CLSTN2: variants seen among roughly 807,000 people sequenced by gnomAD.
CLSTN2 encodes calsyntenin 2.
CLSTN2 carries 48 observed loss-of-function variants against 101.2 expected under a neutral mutation model. The ratio of observed to expected loss-of-function variants is 0.47; its 90% CI spans 0.38 to 0.60. The LOEUF (loss-of-function observed/expected upper bound fraction) is 0.60, where lower values mean the gene tolerates loss of function less well. Ranked by LOEUF, CLSTN2 falls within the 20% of genes least tolerant of loss-of-function variation. The probability of loss-of-function intolerance (pLI) is 0.00; values close to 1 mark genes in which losing one functional copy is unlikely to be tolerated. For missense variants in CLSTN2, 1,160 were observed against 1,238.2 expected (o/e 0.94, Z 0.95); for synonymous variants, 481 against 463.6 (o/e 1.04, Z -0.48).
intron 8 of CLSTN2, among the ~76,000 whole-genome samples, chr3:140,519,827 T>G (rs763132992): frequency 2.0e-5 from 3 of 152,188 alleles, no homozygotes. Context: ...GCTAGTGTTG[T>G]GTATGAATTT....
At chr3:140,254,398 G>T (rs1281050325) in intron 2 of CLSTN2, among the ~76,000 whole-genome samples, 1 of 152,072 alleles carries the variant, frequency 6.6e-6, no homozygotes, top group Non-Finnish European at 1.5e-5. Context: ...GTGTATATTT[G>T]CATATGTGCA....
intron 1 of CLSTN2, among the ~76,000 whole-genome samples, chr3:140,030,113 A>G (rs376526539): frequency 1.5e-3 from 227 of 152,296 alleles, no homozygotes; most frequent in African/African-American, 5.0e-3. Flanking sequence ...GGTAAGAGCA[A>G]CAGACCGAGG....
At chr3:140,183,334 T>C (rs890301834) in intron 2 of CLSTN2, among the ~76,000 whole-genome samples, 2 of 152,124 alleles carry the variant, frequency 1.3e-5, no homozygotes, top group Non-Finnish European at 2.9e-5. Context: ...ATGTGTGACT[T>C]CTAGTGCCCA....
intron 2 of CLSTN2, among the ~76,000 whole-genome samples, chr3:140,232,325 G>C (rs1228268926): frequency 6.6e-6 from 1 of 152,130 alleles, no homozygotes; most frequent in African/African-American, 2.4e-5. Flanking sequence ...CATCACATGA[G>C]ATTATCTATG....
At chr3:140,266,380 A>C (rs1430514613) in intron 2 of CLSTN2, among the ~76,000 whole-genome samples, 1 of 152,226 alleles carries the variant, frequency 6.6e-6, no homozygotes, top group East Asian at 1.9e-4. Flanking sequence ...TTCATATTAT[A>C]AGATAGTAGT....
intron 1 of CLSTN2, among the ~76,000 whole-genome samples, chr3:140,150,420 C>T (rs2009845734): frequency 6.6e-6 from 1 of 152,062 alleles, no homozygotes; most frequent in African/African-American, 2.4e-5. Context: ...TATGGTAAAC[C>T]CAGCAATGTG....
At chr3:140,482,210 G>A (rs1252894705) in intron 8 of CLSTN2, among the ~76,000 whole-genome samples, 1 of 152,196 alleles carries the variant, frequency 6.6e-6, no homozygotes, top group South Asian at 2.1e-4. Flanking sequence ...AGATAATCAT[G>A]TGGTTTTTGT....
intron 2 of CLSTN2, among the ~76,000 whole-genome samples, chr3:140,386,108 T>C (rs974647812): frequency 2.6e-5 from 4 of 152,358 alleles, no homozygotes; most frequent in East Asian, 1.9e-4. Flanking sequence ...GCCAGCATTA[T>C]GCAAAGTGCT....
At chr3:140,059,222 T>C (rs2008154201) in intron 1 of CLSTN2, among the ~76,000 whole-genome samples, 1 of 152,222 alleles carries the variant, frequency 6.6e-6, no homozygotes, top group Non-Finnish European at 1.5e-5. Context: ...AGTGAGCAAA[T>C]GCACAAAAAC....
chr3:140,114,687 T>C (rs2009211342), intron 1 of CLSTN2, among the ~76,000 whole-genome samples: 1 of 152,074 alleles, frequency 6.6e-6, no homozygotes, highest in South Asian at 2.1e-4. Flanking sequence ...CTAAGGATCT[T>C]AGAGGCAGGA....
intron 2 of CLSTN2, among the ~76,000 whole-genome samples, chr3:140,359,084 AG>A (rs2087702005): frequency 6.6e-6 from 1 of 151,984 alleles, no homozygotes; most frequent in South Asian, 2.1e-4. Context: ...CCATAACATC[AG>A]CCCCGTGAAC....
intron 2 of CLSTN2, among the ~76,000 whole-genome samples, chr3:140,345,325 T>C (rs577573679): frequency 1.3e-5 from 2 of 150,516 alleles, no homozygotes; most frequent in African/African-American, 2.4e-5. Flanking sequence ...CTCGGCTCAC[T>C]GCAACCTATG....
intron 8 of CLSTN2, 87 bp downstream of exon 8, chr3:140,466,818 C>CT: frequency 6.4e-7 from 1 of 1,562,936 alleles, no homozygotes; most frequent in Non-Finnish European, 8.7e-7. Context: ...TGGGGAGGCA[C>CT]TGCAAGGTCC....
chr3:140,179,130 T>G (rs2107830507), intron 2 of CLSTN2, among the ~76,000 whole-genome samples: 1 of 152,298 alleles, frequency 6.6e-6, no homozygotes, highest in South Asian at 2.1e-4. Flanking sequence ...ATTCAAAGAT[T>G]TAACATAGCT....
chr3:140,400,292 A>G (rs186095719), intron 2 of CLSTN2, among the ~76,000 whole-genome samples: 98 of 152,326 alleles, frequency 6.4e-4, no homozygotes, highest in Non-Finnish European at 1.2e-3. Context: ...CTATATGCAA[A>G]TGGGGCAGCA....
chr3:140,403,838 C>T lies in CLSTN2; in HGVS notation c.428+14C>T. The T allele has an allele frequency of 1.9e-6, 3 of 1,598,940 alleles. No individual in the cohort carries two copies. The highest frequency in any genetic ancestry group is 2.6e-6 in the Non-Finnish European group (3 of 1,170,756). ...AAAGTCACACAAGTGAGTGGCCTGA[C>T]AGAGCCCTCTGGACGCCCCTCCCTC... On this transcript the variant is annotated intron_variant, in intron 3 of 16. Transcript: ENST00000458420.
intron 9 of CLSTN2, 113 bp downstream of exon 9, chr3:140,532,599 C>A: frequency 2.5e-6 from 2 of 806,938 alleles, no homozygotes; most frequent in Non-Finnish European, 3.6e-6. Context: ...AAAATTACTA[C>A]CCCTTACAAA....
intron 2 of CLSTN2, among the ~76,000 whole-genome samples, chr3:140,351,425 G>A (rs955003557): frequency 6.6e-6 from 1 of 152,196 alleles, no homozygotes; most frequent in African/African-American, 2.4e-5. Flanking sequence ...CCCCTTGTCA[G>A]TTTTCTATAA....
chr3:140,098,747 T>C (rs961010389), intron 1 of CLSTN2, among the ~76,000 whole-genome samples: 2 of 152,200 alleles, frequency 1.3e-5, no homozygotes, highest in Non-Finnish European at 2.9e-5. Flanking sequence ...TTTCCAAATA[T>C]CTTATTCTAT....
Sources: allele counts gnomAD v4.1 joint callset (sites outside exome capture counted in the v4.1 genomes callset), GRCh38; gene constraint gnomAD v4.1.1; transcripts MANE v1.5; gene names NCBI Gene and HGNC (gene_info 2026-07-23, HGNC 2026-07-21).